CAMKK1: variants seen among roughly 807,000 people sequenced by gnomAD.
CAMKK1 encodes calcium/calmodulin dependent protein kinase kinase 1.
Under a neutral mutation model 63.5 loss-of-function variants are expected in CAMKK1, and 20 were observed. That is an observed-to-expected ratio of 0.32 (90% CI 0.22 to 0.46). The LOEUF (loss-of-function observed/expected upper bound fraction) is 0.46, where lower values mean the gene tolerates loss of function less well. Ranked by LOEUF, CAMKK1 falls within the 20% of genes least tolerant of loss-of-function variation. CAMKK1 has a pLI of 1.00. For missense variants in CAMKK1, 588 were observed against 658.1 expected (o/e 0.89, Z 1.17); for synonymous variants, 253 against 269.0 (o/e 0.94, Z 0.58).
chr17:3,872,137 C>T (rs910894271), intron 12 of CAMKK1, among the ~76,000 whole-genome samples: 5 of 152,184 alleles, frequency 3.3e-5, no homozygotes, highest in Non-Finnish European at 5.9e-5. Context: ...GCCCCCTGAC[C>T]GCTCTCCTCC....
chr17:3,889,966 C>T lies in CAMKK1; in HGVS notation c.-44+2973G>A, dbSNP rs975486034. Among the ~76,000 whole-genome samples, 45 of 152,318 alleles carry T rather than the reference C, an allele frequency of 3.0e-4. No individual in the cohort carries two copies. Among genetic ancestry groups the T allele is most frequent in the African/African-American group, 8.9e-4 (37 of 41,572 alleles). The stretch of plus-strand genomic sequence containing the variant: ...GGCCTCATTCTGAGCGCTGGAAGGC[C>T]GCTGTGAACCCCAGTGCCAAGCCGA... On this transcript the variant is annotated intron_variant, in intron 1 of 15. Transcript: ENST00000348335. This position sits in a 1 kb window ranked among gnomAD's most constrained non-coding sequence, Gnocchi z 5.2.
chr17:3,890,359 A>C lies in CAMKK1; in HGVS notation c.-44+2580T>G, dbSNP rs1172465045. Among the ~76,000 whole-genome samples the C allele has an allele frequency of 6.6e-6, 1 of 152,026 alleles. No individual in the cohort carries two copies. Among genetic ancestry groups the C allele is most frequent in the African/African-American group, 2.4e-5 (1 of 41,390 alleles). On this transcript the variant is annotated intron_variant, in intron 1 of 15. Transcript: ENST00000348335. This position sits in a 1 kb window ranked among gnomAD's most constrained non-coding sequence, Gnocchi z 6.5. ...TGCCTGACTCAGCACAGCTACCCCC[A>C]GCGCATCGTCCTGGCCCACCCACGG...
chr17:3,866,327 G>A lies in CAMKK1; in HGVS notation c.1342-316C>T, dbSNP rs551824898. 3.3e-5 allele frequency among the ~76,000 whole-genome samples: 5 copies of A among 152,320 alleles called. No individual in the cohort carries two copies. In the East Asian group the frequency reaches 5.8e-4, roughly 18 times the overall value. On this transcript the variant is annotated intron_variant, in intron 14 of 15. Coordinates refer to ENST00000348335, the MANE Select transcript of CAMKK1 (RefSeq NM_032294.3). ...GGAGTCCATTAGAAGATACCTTCTC[G>A]CTACGGCAGCAATGCCATGGAGGGA...
At chr17:3,870,569 G>A (rs2054800144) in intron 12 of CAMKK1, among the ~76,000 whole-genome samples, 2 of 152,074 alleles carry the variant, frequency 1.3e-5, no homozygotes, top group South Asian at 4.1e-4. Context: ...GTTTCACCGT[G>A]TTAGCCAGGA....
chr17:3,877,047 C>T (rs897658586), intron 9 of CAMKK1, among the ~76,000 whole-genome samples: 1 of 152,120 alleles, frequency 6.6e-6, no homozygotes, highest in African/African-American at 2.4e-5. Flanking sequence ...CGTGAGCCAC[C>T]GCCCCCAGCT....
At chr17:3,865,223 C>T (rs2054471582) in intron 15 of CAMKK1, 1 of 985,836 alleles carries the variant, frequency 1.0e-6, no homozygotes, top group Non-Finnish European at 1.2e-6. Context: ...GGCGCACAGG[C>T]TTGGGGAGCT....
chr17:3,869,509 A>T lies in CAMKK1; in HGVS notation c.1319T>A (p.Leu440His). ...TACCACCGTGGTCCAGCTGGGGATG[A>T]GCCTGACTGAGTTCTTAACCTCCTC... ...TEEEVKNSVR[L>H]IPSWTTVILV... Residue 440 changes from leucine to histidine, a missense_variant, in exon 14 of 16, where the codon CTC becomes CAC. Physicochemically the swap from Leu to His is moderately conservative, Grantham distance 99. Coordinates refer to ENST00000348335, the MANE Select transcript of CAMKK1 (RefSeq NM_032294.3). 6.2e-7 allele frequency: 1 copy of T among 1,614,212 alleles called. No homozygotes were observed. Among genetic ancestry groups the T allele is most frequent in the Non-Finnish European group, 8.5e-7 (1 of 1,180,034 alleles).
intron 10 of CAMKK1, among the ~76,000 whole-genome samples, chr17:3,874,698 G>A (rs949666044): frequency 2.0e-5 from 3 of 150,184 alleles, no homozygotes; most frequent in Non-Finnish European, 3.0e-5. Context: ...TAGTAGAGAC[G>A]GGGTTTCACC....
At chr17:3,877,854 A>T (rs1770697145) in intron 9 of CAMKK1, among the ~76,000 whole-genome samples, 1 of 152,136 alleles carries the variant, frequency 6.6e-6, no homozygotes, top group African/African-American at 2.4e-5. Flanking sequence ...TCCAATAGAC[A>T]TCTTGGTAGA....
chr17:3,866,284 G>C (rs2054520804), intron 14 of CAMKK1, among the ~76,000 whole-genome samples: 1 of 152,234 alleles, frequency 6.6e-6, no homozygotes, highest in Admixed American at 6.5e-5. Context: ...AGAGTGGGGA[G>C]GGCCAGGGCT....
In CAMKK1 at chr17:3,882,806, C is replaced by T. The variant is rs1240748476; in HGVS notation, c.648+236G>A. Among the ~76,000 whole-genome samples, 2 of 152,206 alleles carry T rather than the reference C, an allele frequency of 1.3e-5. No homozygotes were observed. The highest frequency in any genetic ancestry group is 2.9e-5 in the Non-Finnish European group (2 of 68,042). ...TCCAGCTGCAATGAGGGGCTCACTT[C>T]TTGCCTCTGGGGCAGCCCCTCACCC... On this transcript the variant is annotated intron_variant, in intron 6 of 15. Transcript: ENST00000348335. This position sits in a 1 kb window ranked among gnomAD's most constrained non-coding sequence, Gnocchi z 4.3.
At chr17:3,875,685 GC>G (rs1418103869) in intron 10 of CAMKK1, among the ~76,000 whole-genome samples, 1 of 152,140 alleles carries the variant, frequency 6.6e-6, no homozygotes, top group Admixed American at 6.6e-5. Context: ...ACAGCCATGT[GC>G]CCAGGGAACT....
Position 3,880,399 on chromosome 17 carries a change from G to A in CAMKK1, c.743C>T (p.Ser248Leu), listed in dbSNP as rs750605303. 40 of 1,613,868 alleles carry A rather than the reference G, an allele frequency of 2.5e-5. No individual in the cohort carries two copies. The highest frequency in any genetic ancestry group is 6.7e-5 in the African/African-American group (5 of 74,906). ...VMEVPCDKPF[S>L]EEQARLYLRD... is the part of the protein sequence containing the mutation. ...CAGGTAGAGGCGAGCTTGCTCCTCC[G>A]AGAAGGGCTTGTCACAGGGCACTTC... Residue 248 changes from serine (S) to leucine (L), a missense_variant, in exon 9 of 16, where the codon TCG becomes TTG. Coordinates refer to ENST00000348335, the MANE Select transcript of CAMKK1 (RefSeq NM_032294.3).
At chr17:3,877,506 A>G (rs927399775) in intron 9 of CAMKK1, among the ~76,000 whole-genome samples, 1 of 152,066 alleles carries the variant, frequency 6.6e-6, no homozygotes, top group Non-Finnish European at 1.5e-5. Context: ...GCGACCATCG[A>G]CCTGTGGGCT....
At chr17:3,888,630 G>A (rs542366677) in intron 1 of CAMKK1, among the ~76,000 whole-genome samples, 1 of 152,370 alleles carries the variant, frequency 6.6e-6, no homozygotes, top group Admixed American at 6.5e-5. Context: ...TTGTTGTTGT[G>A]CGGCTGCTGT....
In CAMKK1 at chr17:3,892,591, CGGG is replaced by C. The variant is rs956616851; in HGVS notation, c.-44+345_-44+347del. Among the ~76,000 whole-genome samples, 3 of 152,210 alleles carry C rather than the reference CGGG, an allele frequency of 2.0e-5. No homozygotes were observed. Among genetic ancestry groups the C allele is most frequent in the Non-Finnish European group, 4.4e-5 (3 of 68,036 alleles). Reference sequence around the variant, plus strand: ...AGAACCGCACGTGGGTGCCCCGGGCCGGGCCCACTCCGCACAGACGTGGCCTCC... The same window carrying C: ...AGAACCGCACGTGGGTGCCCCGGGCCCCCACTCCGCACAGACGTGGCCTCC... On this transcript the variant is annotated intron_variant, in intron 1 of 15. Transcript: ENST00000348335. This position sits in a 1 kb window ranked among gnomAD's most constrained non-coding sequence, Gnocchi z 7.5.
At chr17:3,878,240 T>G (rs2055255748) in intron 9 of CAMKK1, among the ~76,000 whole-genome samples, 2 of 152,064 alleles carry the variant, frequency 1.3e-5, no homozygotes, top group South Asian at 4.2e-4. Flanking sequence ...CTCAACTCTC[T>G]CTTCTTGGGG....
chr17:3,861,570 T>C lies in CAMKK1; in HGVS notation c.*641A>G, dbSNP rs182722767. On this transcript the variant is annotated 3_prime_UTR_variant, in exon 16 of 16. Transcript: ENST00000348335. Reference sequence around the variant, plus strand: ...GCTGTGCTGGGAACCACGGAAGATGTAGGAAAGCTCGTGAGATGTTCCCAA... The same window carrying C: ...GCTGTGCTGGGAACCACGGAAGATGCAGGAAAGCTCGTGAGATGTTCCCAA... The C allele has an allele frequency of 1.3e-5, 2 of 153,272 alleles. No individual in the cohort carries two copies. Among genetic ancestry groups the C allele is most frequent in the African/African-American group, 4.8e-5 (2 of 41,574 alleles). The allele number at this position is 153,272 out of a possible 1,614,324, so 9.5% of individuals were successfully genotyped here. A position where few individuals can be genotyped will look rare whatever the true frequency, so the allele number is the denominator to read the frequency against.
intron 15 of CAMKK1, among the ~76,000 whole-genome samples, chr17:3,863,119 C>A (rs184959445): frequency 6.6e-6 from 1 of 152,312 alleles, no homozygotes; most frequent in African/African-American, 2.4e-5. Context: ...TTTAAAATAA[C>A]CAGTAAATGG....
Sources: allele counts gnomAD v4.1 joint callset (sites outside exome capture counted in the v4.1 genomes callset), GRCh38; gene constraint gnomAD v4.1.1; non-coding constraint Gnocchi (gnomAD v3.1); transcripts MANE v1.5; gene names NCBI Gene and HGNC (gene_info 2026-07-23, HGNC 2026-07-21).